The following CDC42SE2 variants were observed in gnomAD, a reference collection of about 807,000 sequenced individuals.
The protein encoded by CDC42SE2 is CDC42 small effector protein 2.
In CDC42SE2, 3 loss-of-function variants were observed where a neutral mutation model predicts 11.5. The ratio of observed to expected loss-of-function variants is 0.26; its 90% CI spans 0.12 to 0.67. CDC42SE2 has a LOEUF of 0.67. Ranked by LOEUF, CDC42SE2 falls within the 30% of genes least tolerant of loss-of-function variation. CDC42SE2 has a pLI of 0.80. For missense variants in CDC42SE2, 82 were observed against 106.8 expected, an observed-to-expected ratio of 0.77 and a Z score of 1.02; for synonymous variants, 33 against 34.8, an observed-to-expected ratio of 0.95 and a Z score of 0.18.
chr5:131,296,579 T>C (rs1189647344), intron 1 of CDC42SE2, among the ~76,000 whole-genome samples: 1 of 152,190 alleles, frequency 6.6e-6, no homozygotes, highest in African/African-American at 2.4e-5. Context: ...TCTCCTTCTG[T>C]GTCTCTGTTT....
chr5:131,337,976 C>T (rs168706), intron 2 of CDC42SE2, among the ~76,000 whole-genome samples: 4,185 of 152,264 alleles, frequency 0.027, 75 homozygotes, highest in Non-Finnish European at 0.039. Flanking sequence ...ACCCACTGTC[C>T]GGCACTCCCC....
chr5:131,231,356 G>T, the CDC42SE2 span, among the ~76,000 whole-genome samples: 1 of 151,974 alleles, frequency 6.6e-6, no homozygotes, highest in Non-Finnish European at 1.5e-5. Flanking sequence ...CAAATTCAGT[G>T]GCATAAAACT....
chr5:131,390,032 TC>T (rs1454496391), intron 4 of CDC42SE2, among the ~76,000 whole-genome samples: 1 of 152,216 alleles, frequency 6.6e-6, no homozygotes, highest in African/African-American at 2.4e-5. Flanking sequence ...AAAGAAAATA[TC>T]CCAATTTTCA....
chr5:131,212,741 T>C, the CDC42SE2 span, among the ~76,000 whole-genome samples: 1 of 152,192 alleles, frequency 6.6e-6, no homozygotes, highest in African/African-American at 2.4e-5. Flanking sequence ...AGCCATGTAG[T>C]ACGTGCCAGA....
intron 2 of CDC42SE2, among the ~76,000 whole-genome samples, chr5:131,358,774 G>T (rs1272159161): frequency 6.6e-6 from 1 of 152,126 alleles, no homozygotes; most frequent in Non-Finnish European, 1.5e-5. Flanking sequence ...GCACCTGCTT[G>T]ATTATCTCCT....
At chr5:131,263,804 T>C (rs898391168), upstream of CDC42SE2, 4 of 152,148 alleles carry the variant, frequency 2.6e-5, no homozygotes, top group African/African-American at 9.7e-5. Flanking sequence ...CAGTCCCGGA[T>C]CTCAGGCGTC....
intron 1 of CDC42SE2, among the ~76,000 whole-genome samples, chr5:131,278,523 A>G (rs1424078977): frequency 6.6e-6 from 1 of 150,946 alleles, no homozygotes; most frequent in African/African-American, 2.4e-5. Flanking sequence ...ACATCATGTT[A>G]GTAGCTTGAA....
the CDC42SE2 span, among the ~76,000 whole-genome samples, chr5:131,219,023 A>G: frequency 1.3e-5 from 2 of 152,018 alleles, no homozygotes; most frequent in East Asian, 3.9e-4. Context: ...AAAAAGAACA[A>G]GGAATTACTA....
chr5:131,246,613 G>A lies in CDC42SE2; in HGVS notation n.107+1014G>A, dbSNP rs545356008. On this transcript the variant is annotated intron_variant and non_coding_transcript_variant, in intron 1 of 3. Coordinates refer to the CDC42SE2 transcript ENST00000502840. ...ATAGAGTTAGGTTACCTTTTATCTG[G>A]ATAAATAATTTTTCTTGATTTACGT... is the stretch of plus-strand genomic sequence containing the variant. Among the ~76,000 whole-genome samples, 4 of 152,094 alleles carry A rather than the reference G, an allele frequency of 2.6e-5. No individual in the cohort carries two copies. In the East Asian group the frequency reaches 7.7e-4, roughly 29 times the overall value.
intron 4 of CDC42SE2, among the ~76,000 whole-genome samples, chr5:131,386,035 T>G (rs1314778968): frequency 6.6e-6 from 1 of 152,216 alleles, no homozygotes; most frequent in Non-Finnish European, 1.5e-5. Flanking sequence ...GTTAGTTGCC[T>G]TTTGCACACA....
intron 1 of CDC42SE2, among the ~76,000 whole-genome samples, chr5:131,281,678 G>C (rs1028756285): frequency 6.6e-6 from 1 of 152,290 alleles, no homozygotes; most frequent in East Asian, 1.9e-4. Flanking sequence ...GTAAGTGGCA[G>C]AACAAGTATT....
At chr5:131,285,844 T>C (rs933439344) in intron 1 of CDC42SE2, among the ~76,000 whole-genome samples, 4 of 152,146 alleles carry the variant, frequency 2.6e-5, no homozygotes, top group African/African-American at 9.7e-5. Flanking sequence ...TTCTTCCAGT[T>C]GCCTTTATAT....
chr5:131,243,462 T>C (rs951614209), upstream of CDC42SE2, among the ~76,000 whole-genome samples: 1 of 152,160 alleles, frequency 6.6e-6, no homozygotes, highest in African/African-American at 2.4e-5. Flanking sequence ...GGTGGGCACC[T>C]GTAGTCCCAG....
chr5:131,229,204 G>A, the CDC42SE2 span, among the ~76,000 whole-genome samples: 11,228 of 151,774 alleles, frequency 0.074, 868 homozygotes, highest in African/African-American at 0.19. Flanking sequence ...TTTAGAGATC[G>A]GGTTCTTGCT....
At chr5:131,303,521 A>T (rs930458027) in intron 1 of CDC42SE2, among the ~76,000 whole-genome samples, 1 of 152,118 alleles carries the variant, frequency 6.6e-6, no homozygotes, top group Non-Finnish European at 1.5e-5. Context: ...ATTGTAGTGG[A>T]TTGGGCACTT....
At chr5:131,374,528 C>CAAA (rs11311226) in intron 3 of CDC42SE2, among the ~76,000 whole-genome samples, 14 of 70,566 alleles carry the variant, frequency 2.0e-4, no homozygotes, top group African/African-American at 4.6e-4. Context: ...GAGACTGTCT[C>CAAA]AAAAAAAAAA....
rs776701914 is a variant in CDC42SE2, at chr5:131,359,468, G to A, written c.-26G>A. The A allele has an allele frequency of 3.5e-5, 56 of 1,597,656 alleles. No individual in the cohort carries two copies. The highest frequency in any genetic ancestry group is 1.0e-4 in the Admixed American group (6 of 59,966). On this transcript the variant is annotated 5_prime_UTR_variant, in exon 3 of 5. It adds an upstream start codon to the 5' untranslated region. Coordinates refer to ENST00000505065, the MANE Select transcript of CDC42SE2 (RefSeq NM_001375635.1). ...GAGTTGAGATTTGGAACCTTCATTG[G>A]TGCTCATTTACTGTGGACTGTAAGC...
exon 1 of CDC42SE2, chr5:131,245,579 G>C (rs1314589994): frequency 6.6e-6 from 1 of 152,200 alleles, no homozygotes; most frequent in Admixed American, 6.5e-5. Context: ...GGCTTACCAT[G>C]GTTCACTGGG....
intron 1 of CDC42SE2, among the ~76,000 whole-genome samples, chr5:131,250,383 T>C (rs1257604421): frequency 3.9e-5 from 6 of 152,162 alleles, no homozygotes; most frequent in South Asian, 2.1e-4. Flanking sequence ...CACTATTACA[T>C]AGAGGAAACA....
Sources: allele counts gnomAD v4.1 joint callset (sites outside exome capture counted in the v4.1 genomes callset), GRCh38; gene constraint gnomAD v4.1.1; transcripts MANE v1.5; gene names NCBI Gene and HGNC (gene_info 2026-07-23, HGNC 2026-07-21).